CDH8: variants seen among roughly 807,000 people sequenced by gnomAD.
CDH8 encodes the protein cadherin-8.
In CDH8, 17 loss-of-function variants were observed where a neutral mutation model predicts 68.1. That is an observed-to-expected ratio of 0.25 (90% CI 0.17 to 0.37). CDH8 has a LOEUF of 0.37. CDH8 is among the 10% of genes least tolerant of loss of function. The pLI is 1.00. For missense variants in CDH8, 763 were observed against 999.3 expected, an observed-to-expected ratio of 0.76 and a Z score of 3.19; for synonymous variants, 372 against 365.1, an observed-to-expected ratio of 1.02 and a Z score of -0.21.
chr16:61,726,877 G>T lies in CDH8; in HGVS notation c.1536+217C>A, dbSNP rs566190405. Reference sequence around the variant, plus strand: ...TTGGCTCTGGGTTTGTGGCACAGCAGGTTGTTCCACTTTAGGAGCCAATTT... The same window carrying T: ...TTGGCTCTGGGTTTGTGGCACAGCATGTTGTTCCACTTTAGGAGCCAATTT... On this transcript the variant is annotated intron_variant, in intron 9 of 11. Transcript: ENST00000577390. The T allele has an allele frequency of 1.1e-5, 6 of 537,678 alleles. No homozygotes were observed. In the African/African-American group the frequency reaches 1.2e-4, roughly 10 times the overall value. The allele number at this position is 537,678 out of a possible 1,614,324, so 33.3% of individuals were successfully genotyped here.
chr16:61,975,761 G>A (rs55973238), intron 2 of CDH8, among the ~76,000 whole-genome samples: 19,906 of 152,062 alleles, frequency 0.13, 1,998 homozygotes, highest in African/African-American at 0.28. Flanking sequence ...TCCTTTTAAG[G>A]ATATTCTGTT....
intron 2 of CDH8, among the ~76,000 whole-genome samples, chr16:61,940,890 A>G (rs1253306164): frequency 6.6e-6 from 1 of 152,230 alleles, no homozygotes; most frequent in Non-Finnish European, 1.5e-5. Flanking sequence ...TCAACTTTTA[A>G]GATGTCTCAG....
intron 2 of CDH8, among the ~76,000 whole-genome samples, chr16:61,987,045 A>G (rs1261642049): frequency 3.9e-5 from 6 of 152,244 alleles, no homozygotes; most frequent in African/African-American, 1.2e-4. Context: ...CCAAATAGTT[A>G]ACACAAATAT....
chr16:61,823,778 A>G (rs1962268111), intron 5 of CDH8, among the ~76,000 whole-genome samples: 2 of 151,642 alleles, frequency 1.3e-5, no homozygotes, highest in Middle Eastern at 3.4e-3. Flanking sequence ...GTCTAATCTA[A>G]CTCTCCAGAC....
intron 8 of CDH8, among the ~76,000 whole-genome samples, chr16:61,779,764 T>A (rs1487795621): frequency 6.6e-6 from 1 of 152,160 alleles, no homozygotes; most frequent in Non-Finnish European, 1.5e-5. Flanking sequence ...ATTCTTACTC[T>A]CCATAATAAA....
In CDH8 at chr16:61,654,853, C is replaced by T. The variant is rs13331324; in HGVS notation, c.1906+617G>A. 5.9e-3 allele frequency among the ~76,000 whole-genome samples: 894 copies of T among 152,196 alleles called. 8 individuals are homozygous for T. Among genetic ancestry groups the T allele is most frequent in the African/African-American group, 0.02 (849 of 41,538 alleles). ...TCCTCAAGGGTAGTATAAGATACGA[C>T]TCTCATGTTTTTCTATTTTCCTACT... On this transcript the variant is annotated intron_variant, in intron 11 of 11. Coordinates refer to ENST00000577390, the MANE Select transcript of CDH8 (RefSeq NM_001796.5).
chr16:61,838,448 A>G (rs75316430), intron 4 of CDH8, among the ~76,000 whole-genome samples: 33 of 152,238 alleles, frequency 2.2e-4, no homozygotes, highest in African/African-American at 7.7e-4. Flanking sequence ...GTCAAGCTTT[A>G]GGCTTGGTGG....
At chr16:61,924,088 G>A (rs928122439) in intron 2 of CDH8, among the ~76,000 whole-genome samples, 2 of 151,798 alleles carry the variant, frequency 1.3e-5, no homozygotes, top group Admixed American at 1.3e-4. Context: ...TATGAGGACC[G>A]CTGACTTCGA....
rs1351190879 is a variant in CDH8 at position 61,959,835 on chromosome 16, G to GTA, written c.253-58364_253-58363dup. 3.0e-4 allele frequency among the ~76,000 whole-genome samples: 43 copies of GTA among 145,376 alleles called. No homozygotes were observed. In the East Asian group the frequency reaches 6.3e-3, roughly 21 times the overall value. On this transcript the variant is annotated intron_variant, in intron 2 of 11. Transcript: ENST00000577390. ...TCTCTCTCTCTCTGTATGTGTGTGT[G>GTA]TATATATATATACATATATGTATAT... is the stretch of plus-strand genomic sequence containing the variant.
At chr16:61,688,918 G>A (rs1428238276) in intron 10 of CDH8, among the ~76,000 whole-genome samples, 1 of 151,962 alleles carries the variant, frequency 6.6e-6, no homozygotes, top group African/African-American at 2.4e-5. Flanking sequence ...AGAAGGTTTG[G>A]GAGGTTTGCT....
chr16:61,951,149 T>C (rs1042906257), intron 2 of CDH8, among the ~76,000 whole-genome samples: 1 of 152,184 alleles, frequency 6.6e-6, no homozygotes, highest in Non-Finnish European at 1.5e-5. Flanking sequence ...ATGGGCACTT[T>C]CTTTTTACCA....
intron 10 of CDH8, among the ~76,000 whole-genome samples, chr16:61,676,022 T>C (rs569296138): frequency 6.6e-6 from 1 of 151,572 alleles, no homozygotes; most frequent in South Asian, 2.1e-4. Flanking sequence ...ACACGAATTG[T>C]AGACTTAAAG....
At chr16:61,704,901 T>C (rs1964500785) in intron 10 of CDH8, among the ~76,000 whole-genome samples, 1 of 152,114 alleles carries the variant, frequency 6.6e-6, no homozygotes. Flanking sequence ...GAACTAGCAA[T>C]GACTGTCTGG....
chr16:61,880,368 T>A (rs1223354776), intron 3 of CDH8, among the ~76,000 whole-genome samples: 1 of 152,066 alleles, frequency 6.6e-6, no homozygotes, highest in Non-Finnish European at 1.5e-5. Flanking sequence ...AGAAAGCAAA[T>A]CTATGAGGCA....
chr16:61,782,505 C>T (rs1961099465), intron 8 of CDH8, among the ~76,000 whole-genome samples: 1 of 152,044 alleles, frequency 6.6e-6, no homozygotes. Context: ...AGCAGCGAGG[C>T]TGGGGGAGGG....
At chr16:61,864,416 G>A (rs558520024) in intron 3 of CDH8, among the ~76,000 whole-genome samples, 18 of 152,110 alleles carry the variant, frequency 1.2e-4, no homozygotes, top group African/African-American at 2.9e-4. Flanking sequence ...CCGACCTGAT[G>A]TGCTGAAGGA....
chr16:61,843,789 AT>A (rs1962738903), intron 4 of CDH8, among the ~76,000 whole-genome samples: 1 of 152,142 alleles, frequency 6.6e-6, no homozygotes, highest in Non-Finnish European at 1.5e-5. Flanking sequence ...CTAGTTCTAG[AT>A]CCCTGAGGAA....
intron 3 of CDH8, among the ~76,000 whole-genome samples, chr16:61,888,843 T>C (rs1012448492): frequency 6.6e-6 from 1 of 152,116 alleles, no homozygotes; most frequent in Non-Finnish European, 1.5e-5. Flanking sequence ...TACTGCTCCA[T>C]CCCCAATGTA....
intron 11 of CDH8, 90 bp downstream of exon 11, chr16:61,655,380 G>T (rs540733847): frequency 5.1e-4 from 661 of 1,304,488 alleles, no homozygotes; most frequent in Non-Finnish European, 6.1e-4. Flanking sequence ...GAATGCTCTT[G>T]CCTGTGTAGA....
Sources: gnomAD v4.1 joint callset for allele counts (sites outside exome capture counted in the v4.1 genomes callset) on GRCh38, gnomAD v4.1.1 for gene constraint, MANE v1.5 for transcripts, NCBI Gene and HGNC (gene_info 2026-07-23, HGNC 2026-07-21) for gene names.